The following RAPGEF2 variants were observed in gnomAD, a reference collection of about 807,000 sequenced individuals.
The protein encoded by RAPGEF2 is Rap guanine nucleotide exchange factor 2.
RAPGEF2 carries 54 observed loss-of-function variants against 186.7 expected under a neutral mutation model. That is an observed-to-expected ratio of 0.29 (90% CI 0.23 to 0.36). The LOEUF (loss-of-function observed/expected upper bound fraction) is 0.36, where lower values mean the gene tolerates loss of function less well. RAPGEF2 is among the 10% of genes least tolerant of loss of function. The pLI, the probability that RAPGEF2 is intolerant of heterozygous loss-of-function variation, is 1.00. For missense variants in RAPGEF2, 1,532 were observed against 2,045.0 expected (o/e 0.75, Z 4.84); for synonymous variants, 712 against 705.9 (o/e 1.01, Z -0.14).
In RAPGEF2 at chr4:159,186,641, G is replaced by T; in HGVS notation, c.70-1G>T. ...AATTTCTATTCTTTTCTTTGAAACA[G>T]GATCTGGAAATAGTATATTCCTATT... On this transcript the variant is annotated splice_acceptor_variant, in intron 1 of 29. Coordinates refer to ENST00000691494, the MANE Select transcript of RAPGEF2 (RefSeq NM_001394067.2). LOFTEE classifies it high-confidence loss of function. 7.1e-7 allele frequency: 1 copy of T among 1,417,896 alleles called. No homozygotes were observed. Among genetic ancestry groups the T allele is most frequent in the Non-Finnish European group, 9.4e-7 (1 of 1,066,526 alleles). The allele number at this position is 1,417,896 out of a possible 1,614,324, so 87.8% of individuals were successfully genotyped here.
At chr4:159,317,131 A>G (rs535769001) in intron 9 of RAPGEF2, among the ~76,000 whole-genome samples, 2 of 152,324 alleles carry the variant, frequency 1.3e-5, no homozygotes, top group East Asian at 1.9e-4. Context: ...GTATGAGGAA[A>G]AACTTTCACC....
At chr4:159,109,198 G>A (rs1738220653) in intron 1 of RAPGEF2, among the ~76,000 whole-genome samples, 1 of 152,068 alleles carries the variant, frequency 6.6e-6, no homozygotes, top group Non-Finnish European at 1.5e-5. Context: ...ATTTTATATG[G>A]AAGTAACTTT....
chr4:159,291,832 T>A (rs1380838388), intron 7 of RAPGEF2, among the ~76,000 whole-genome samples: 1 of 152,172 alleles, frequency 6.6e-6, no homozygotes, highest in Admixed American at 6.5e-5. Context: ...TGAATATCTT[T>A]TTCTGTTAAA....
chr4:159,141,229 A>T (rs909319925), intron 1 of RAPGEF2, among the ~76,000 whole-genome samples: 3 of 152,210 alleles, frequency 2.0e-5, no homozygotes, highest in African/African-American at 7.2e-5. Context: ...TTGAATAAAA[A>T]TTTTTATAAT....
At chr4:159,223,171 G>A (rs1206035361) in intron 4 of RAPGEF2, among the ~76,000 whole-genome samples, 2 of 150,268 alleles carry the variant, frequency 1.3e-5, no homozygotes, top group East Asian at 3.9e-4. Context: ...TTTGAATTGT[G>A]AGTCCAAAAT....
At chr4:159,134,939 A>G (rs1455503394) in intron 1 of RAPGEF2, among the ~76,000 whole-genome samples, 1 of 152,232 alleles carries the variant, frequency 6.6e-6, no homozygotes, top group Non-Finnish European at 1.5e-5. Context: ...CATTTCATGT[A>G]AATAGTTTAT....
chr4:159,150,409 C>A (rs1379690186), intron 1 of RAPGEF2, among the ~76,000 whole-genome samples: 1 of 152,132 alleles, frequency 6.6e-6, no homozygotes, highest in Non-Finnish European at 1.5e-5. Flanking sequence ...ATAACTCATG[C>A]TTGAACGAAG....
At chr4:159,352,947 C>T in intron 27 of RAPGEF2, 37 bp downstream of exon 27, 1 of 1,504,244 alleles carries the variant, frequency 6.6e-7, no homozygotes, top group Non-Finnish European at 9.1e-7. Flanking sequence ...TGAATTTATC[C>T]TTCCATCTCT....
In RAPGEF2 at chr4:159,343,031, C is replaced by G. The variant is rs2111273876; in HGVS notation, c.2971C>G (p.Pro991Ala). The G allele has an allele frequency of 2.5e-6, 4 of 1,614,026 alleles. No homozygotes were observed. The highest frequency in any genetic ancestry group is 2.2e-5 in the South Asian group (2 of 91,060). ...ACTGCGAACGACCTGGGAGAAACTT[C>G]CCAATAAATACGAAAAACTATTTCA... ...ARLRTTWEKL[P>A]NKYEKLFQDL... The change falls in exon 21 of 30, where the codon CCC (proline) becomes GCC (alanine). Residue 991 changes from proline (P) to alanine (A), a missense_variant. Pro to Ala is a conservative substitution (Grantham distance 27, BLOSUM62 -1). Coordinates refer to ENST00000691494, the MANE Select transcript of RAPGEF2 (RefSeq NM_001394067.2).
intron 28 of RAPGEF2, among the ~76,000 whole-genome samples, 177 bp downstream of exon 28, chr4:159,354,223 G>A (rs1731625980): frequency 6.6e-6 from 1 of 152,134 alleles, no homozygotes; most frequent in Non-Finnish European, 1.5e-5. Context: ...TAAGAGCCCA[G>A]GTTTTGTGGT....
rs10588096 is a variant in RAPGEF2, at chr4:159,234,549, ATTTTTTTTTTT to A, written c.282-4246_282-4236del. Among the ~76,000 whole-genome samples, 52 of 108,156 alleles carry A rather than the reference ATTTTTTTTTTT, an allele frequency of 4.8e-4. 3 individuals are homozygous for A. The Admixed American group carries it at 5.1e-3, about 11-fold the overall frequency. The allele number at this position is 108,156 out of a possible 152,430, so 71.0% of individuals were successfully genotyped here. On this transcript the variant is annotated intron_variant, in intron 4 of 29. Coordinates refer to ENST00000691494, the MANE Select transcript of RAPGEF2 (RefSeq NM_001394067.2). ...AGGCACATGCCACCATGCCCGGCTAATTTTTTTTTTTTTTTTTTTTTTTTGAGACAGAGTCT... is the reference window on the plus strand; with the variant it reads ...AGGCACATGCCACCATGCCCGGCTAATTTTTTTTTTTTTGAGACAGAGTCT...
chr4:159,350,991 A>G (rs1261664655), intron 26 of RAPGEF2: 63 of 1,433,954 alleles, frequency 4.4e-5, no homozygotes, highest in Middle Eastern at 1.7e-4. Flanking sequence ...TGCATTTTGT[A>G]TGGGTATCAG....
At chr4:159,236,914 C>G (rs1463983170) in intron 4 of RAPGEF2, among the ~76,000 whole-genome samples, 1 of 152,056 alleles carries the variant, frequency 6.6e-6, no homozygotes, top group East Asian at 1.9e-4. Context: ...CTTAAAAGTA[C>G]TCTAATGTGT....
chr4:159,322,526 A>C, intron 10 of RAPGEF2, 43 bp downstream of exon 10: 1 of 1,561,526 alleles, frequency 6.4e-7, no homozygotes, highest in Non-Finnish European at 8.8e-7. Flanking sequence ...CTTCTTAAAG[A>C]TATCTCAATA....
At chr4:159,212,793 T>C (rs1317612150) in intron 4 of RAPGEF2, among the ~76,000 whole-genome samples, 1 of 152,192 alleles carries the variant, frequency 6.6e-6, no homozygotes, top group African/African-American at 2.4e-5. Context: ...TTGTACAAAC[T>C]AAATCCATAA....
Position 159,103,202 on chromosome 4 carries a change from C to T in RAPGEF2, c.-961C>T, listed in dbSNP as rs1737373003. The T allele has an allele frequency of 6.6e-6, 1 of 151,896 alleles. No homozygotes were observed. Among genetic ancestry groups the T allele is most frequent in the South Asian group, 2.1e-4 (1 of 4,834 alleles). 9.4% of individuals were successfully genotyped at this position (151,896 alleles called of 1,614,324 possible). The stretch of plus-strand genomic sequence containing the variant: ...TGTGCGCGGCTCTCGGCTTTCGGCC[C>T]TCGGACGCCCGCGCCGGGAGTCCGA... On this transcript the variant is annotated 5_prime_UTR_variant, in exon 1 of 30. Coordinates refer to ENST00000691494, the MANE Select transcript of RAPGEF2 (RefSeq NM_001394067.2).
At chr4:159,168,799 A>G (rs1180188128) in intron 1 of RAPGEF2, among the ~76,000 whole-genome samples, 2 of 152,204 alleles carry the variant, frequency 1.3e-5, no homozygotes, top group South Asian at 2.1e-4. Context: ...TATTTTTCAT[A>G]TAATTGCTTT....
intron 1 of RAPGEF2, among the ~76,000 whole-genome samples, chr4:159,111,967 G>T (rs914712203): frequency 1.3e-5 from 2 of 152,130 alleles, no homozygotes; most frequent in African/African-American, 4.8e-5. Flanking sequence ...GTTCTTGTTG[G>T]ACTTTTATAG....
At chr4:159,146,231 G>A (rs6536392) in intron 1 of RAPGEF2, among the ~76,000 whole-genome samples, 93,832 of 151,970 alleles carry the variant, frequency 0.62, 29,599 homozygotes, top group African/African-American at 0.75. Flanking sequence ...GATGAGAATG[G>A]GTTTACAAAA....
Sources: gnomAD v4.1 joint callset for allele counts (sites outside exome capture counted in the v4.1 genomes callset) on GRCh38, gnomAD v4.1.1 for gene constraint, MANE v1.5 for transcripts, NCBI Gene and HGNC (gene_info 2026-07-23, HGNC 2026-07-21) for gene names.